OTOG: variants seen among roughly 807,000 people sequenced by gnomAD.
OTOG encodes otogelin.
Under a neutral mutation model 313.8 loss-of-function variants are expected in OTOG, and 296 were observed. That is an observed-to-expected ratio of 0.94 (90% confidence interval 0.86 to 1.04). The LOEUF (loss-of-function observed/expected upper bound fraction) is 1.04. Ranked by LOEUF, OTOG falls within the 50% of genes least tolerant of loss-of-function variation. The pLI is 0.00. For synonymous variants in OTOG, 1,533 were observed against 1,554.9 expected (o/e 0.99, Z 0.33); for missense variants, 3,948 against 3,840.1 (o/e 1.03, Z -0.74).
Position 17,553,475 on chromosome 11 carries a change from C to G in OTOG, c.496C>G (p.Leu166Val). The change falls in exon 6 of 56, where the codon CTG (leucine) becomes GTG (valine). Residue 166 changes from leucine to valine, a missense_variant. Physicochemically the swap from Leu to Val is conservative, Grantham distance 32. Coordinates refer to ENST00000399397, the MANE Select transcript of OTOG (RefSeq NM_001292063.2). Reference sequence around the variant, plus strand: ...CCTCTCCGGAAAGGGCAGCTACACCCTGGTGGGTCGCCATGAGCCCGAGGG... The same window carrying G: ...CCTCTCCGGAAAGGGCAGCTACACCGTGGTGGGTCGCCATGAGCCCGAGGG... ...YYLSGKGSYT[L>V]VGRHEPEGQS... 1 of 1,458,560 alleles carries G rather than the reference C, an allele frequency of 6.9e-7. No individual in the cohort carries two copies. The highest frequency in any genetic ancestry group is 1.5e-5 in the South Asian group (1 of 68,092). 90.4% of individuals were successfully genotyped at this position (1,458,560 alleles called of 1,614,324 possible).
intron 2 of OTOG, 76 bp from the exon 3 acceptor site, chr11:17,548,076 G>A: frequency 2.1e-6 from 3 of 1,441,398 alleles, no homozygotes; most frequent in Non-Finnish European, 2.8e-6. Flanking sequence ...CACTTAGGGT[G>A]GGATAGGCCA....
At chr11:17,639,938 A>AGGATGGTGGTGGTGG (rs1847936027) in intron 49 of OTOG, among the ~76,000 whole-genome samples, 1 of 149,364 alleles carries the variant, frequency 6.7e-6, no homozygotes, top group African/African-American at 2.5e-5. Context: ...GGTGATGGTG[A>AGGATGGTGGTGGTGG]TAATGCAATG....
chr11:17,624,534 T>C (rs1193943346), intron 39 of OTOG, among the ~76,000 whole-genome samples: 1 of 152,184 alleles, frequency 6.6e-6, no homozygotes, highest in Admixed American at 6.5e-5. Flanking sequence ...GTACCAGTAC[T>C]ATGCTGTTTT....
chr11:17,617,024 T>C (rs1030806270), intron 39 of OTOG, among the ~76,000 whole-genome samples: 2 of 152,220 alleles, frequency 1.3e-5, no homozygotes, highest in African/African-American at 4.8e-5. Context: ...AAGAACATTT[T>C]CTTTTATTCC....
chr11:17,624,165 C>A (rs1001583516), intron 39 of OTOG, among the ~76,000 whole-genome samples: 2 of 152,080 alleles, frequency 1.3e-5, no homozygotes, highest in African/African-American at 4.8e-5. Context: ...TAATTAGATC[C>A]CATTTGTCAA....
intron 38 of OTOG, among the ~76,000 whole-genome samples, chr11:17,613,269 C>CTTTCTTTCTTTCTT (rs1278102820): frequency 3.3e-5 from 3 of 89,622 alleles, no homozygotes; most frequent in East Asian, 8.8e-4. Context: ...CTTTCTTTCT[C>CTTTCTTTCTTTCTT]TCTCTGTCTG....
chr11:17,633,757 A>T lies in OTOG; in HGVS notation c.7150A>T (p.Ile2384Leu), dbSNP rs900126800. The T allele has an allele frequency of 4.6e-5, 72 of 1,550,368 alleles. No individual in the cohort carries two copies. Among genetic ancestry groups the T allele is most frequent in the Non-Finnish European group, 5.9e-5 (68 of 1,146,958 alleles). ...CEPPKTCQDG[I>L]LGPLDPEHCQ... ...GCCACCCAAGACATGCCAGGATGGG[A>T]TACTAGGGCCTCTGGACCCAGAGCA... Residue 2384 changes from isoleucine to leucine, a missense_variant, in exon 43 of 56, where the codon ATA becomes TTA. Ile to Leu is a conservative substitution (Grantham distance 5). Transcript: ENST00000399397.
chr11:17,629,795 C>T (rs540695209), intron 40 of OTOG, among the ~76,000 whole-genome samples: 1 of 152,282 alleles, frequency 6.6e-6, no homozygotes, highest in East Asian at 1.9e-4. Flanking sequence ...GCTCTTCAGA[C>T]CATAGCACAA....
In OTOG at chr11:17,594,140, T is replaced by C; in HGVS notation, c.3382T>C (p.Phe1128Leu). Reference sequence around the variant, plus strand: ...CCTAGAGCTAACTAACCCCCAGGAGTTTGGCAGCAGTTGGGCTGCAGTTGA... The same window carrying C: ...CCTAGAGCTAACTAACCCCCAGGAGCTTGGCAGCAGTTGGGCTGCAGTTGA... ...ENLELTNPQE[F>L]GSSWAAVECP... Residue 1128 changes from phenylalanine to leucine, a missense_variant, in exon 28 of 56, where the codon TTT (phenylalanine) becomes CTT (leucine). Coordinates refer to ENST00000399397, the MANE Select transcript of OTOG (RefSeq NM_001292063.2). 5.8e-6 allele frequency: 9 copies of C among 1,550,204 alleles called. No homozygotes were observed. The highest frequency in any genetic ancestry group is 7.8e-6 in the Non-Finnish European group (9 of 1,146,902).
rs1420741482 is a variant in OTOG, at chr11:17,611,276, C to A, written c.5976C>A (p.Thr1992=). Residue 1992 remains threonine (T), a synonymous_variant, in exon 36 of 56, where the codon ACC becomes ACA. Transcript: ENST00000399397. ...LLPQLAEAHG[T]SAGPHLAAEP... ...CTCAGCTGGCTGAGGCCCATGGAACCTCGGCAGGGCCTCACCTGGCAGCAG... is the reference window on the plus strand; with the variant it reads ...CTCAGCTGGCTGAGGCCCATGGAACATCGGCAGGGCCTCACCTGGCAGCAG... 2 of 1,550,418 alleles carry A rather than the reference C, an allele frequency of 1.3e-6. No homozygotes were observed. Among genetic ancestry groups the A allele is most frequent in the East Asian group, 4.9e-5 (2 of 40,898 alleles).
chr11:17,604,798 G>A (rs1853341687), intron 32 of OTOG, among the ~76,000 whole-genome samples: 1 of 152,224 alleles, frequency 6.6e-6, no homozygotes, highest in Non-Finnish European at 1.5e-5. Flanking sequence ...GTTCTCGTAG[G>A]AATTTCAAAA....
intron 37 of OTOG, 98 bp from the exon 38 acceptor site, chr11:17,612,522 C>T: frequency 1.4e-6 from 2 of 1,437,570 alleles, no homozygotes; most frequent in South Asian, 2.8e-5. Flanking sequence ...GCCTCTGCAT[C>T]CATCCAGGAA....
chr11:17,592,362 A>G lies in OTOG; in HGVS notation c.3006+774A>G, dbSNP rs187021605. On this transcript the variant is annotated intron_variant, in intron 25 of 55. Transcript: ENST00000399397. The stretch of plus-strand genomic sequence containing the variant: ...CAGGCACTGTACTGGGGTCTTTCAC[A>G]TAATTGCAGTAACTCTACAAGATGA... 7.0e-4 allele frequency among the ~76,000 whole-genome samples: 106 copies of G among 152,364 alleles called. 1 individual carries two copies. In the Middle Eastern group the frequency reaches 0.034, roughly 49 times the overall value.
At chr11:17,627,973 A>C (rs1217116035) in intron 39 of OTOG, among the ~76,000 whole-genome samples, 3 of 151,130 alleles carry the variant, frequency 2.0e-5, no homozygotes, top group Admixed American at 2.0e-4. Context: ...CTTTTTTCTT[A>C]GTTAGGCTAA....
chr11:17,583,073 TCTC>T, intron 23 of OTOG, among the ~76,000 whole-genome samples: 1 of 152,082 alleles, frequency 6.6e-6, no homozygotes. Flanking sequence ...GCAAAGATAT[TCTC>T]CTATGTTTTT....
At chr11:17,554,184 G>T (rs1852005929) in intron 6 of OTOG, among the ~76,000 whole-genome samples, 1 of 152,168 alleles carries the variant, frequency 6.6e-6, no homozygotes, top group Admixed American at 6.5e-5. Flanking sequence ...CCTCTAAGAA[G>T]CCACCCTGGA....
intron 15 of OTOG, among the ~76,000 whole-genome samples, chr11:17,564,022 T>C (rs1431141877): frequency 1.3e-5 from 2 of 152,178 alleles, no homozygotes; most frequent in African/African-American, 4.8e-5. Context: ...ACCATGTCTC[T>C]GATAGGCTGT....
At chr11:17,593,847 C>A (rs1004415461) in intron 27 of OTOG, 91 bp downstream of exon 27, 4 of 1,472,216 alleles carry the variant, frequency 2.7e-6, no homozygotes, top group African/African-American at 1.4e-5. Flanking sequence ...CCTGAGGAGC[C>A]AAGAAGAGCA....
At chr11:17,639,095 A>C (rs1847914886) in intron 48 of OTOG, among the ~76,000 whole-genome samples, 1 of 152,216 alleles carries the variant, frequency 6.6e-6, no homozygotes, top group African/African-American at 2.4e-5. Context: ...TAGGCTCTGG[A>C]CCAGGTGAAG....
Sources: gnomAD v4.1 joint callset for allele counts (sites outside exome capture counted in the v4.1 genomes callset) on GRCh38, gnomAD v4.1.1 for gene constraint, MANE v1.5 for transcripts, NCBI Gene and HGNC (gene_info 2026-07-23, HGNC 2026-07-21) for gene names.